The following CNTNAP5 variants were observed in gnomAD, a reference collection of about 807,000 sequenced individuals.
The protein encoded by CNTNAP5 is contactin associated protein family member 5, also known as contactin-associated protein-like 5.
Under a neutral mutation model 150.2 loss-of-function variants are expected in CNTNAP5, and 72 were observed. The observed-to-expected ratio is 0.48, with a 90% confidence interval of 0.40 to 0.58. The LOEUF is 0.58. CNTNAP5 is among the 20% of genes least tolerant of loss of function. The probability of loss-of-function intolerance (pLI) is 0.00; values close to 1 mark genes in which losing one functional copy is unlikely to be tolerated. For missense variants in CNTNAP5, 1,636 were observed against 1,626.2 expected, an observed-to-expected ratio of 1.01 and a Z score of -0.10; for synonymous variants, 672 against 619.8, an observed-to-expected ratio of 1.08 and a Z score of -1.25.
At chr2:124,051,005 A>G (rs1467177435) in intron 1 of CNTNAP5, among the ~76,000 whole-genome samples, 2 of 152,180 alleles carry the variant, frequency 1.3e-5, no homozygotes, top group East Asian at 3.9e-4. Context: ...TTAAATGTCC[A>G]CAGTTAAAAC....
intron 23 of CNTNAP5, among the ~76,000 whole-genome samples, chr2:124,911,758 C>T (rs1247796629): frequency 2.0e-5 from 3 of 152,074 alleles, no homozygotes; most frequent in Non-Finnish European, 4.4e-5. Context: ...GCCTCTGATT[C>T]ATGAGGCAGC....
At chr2:124,078,448 C>G (rs1276089256) in intron 1 of CNTNAP5, among the ~76,000 whole-genome samples, 1 of 152,180 alleles carries the variant, frequency 6.6e-6, no homozygotes, top group East Asian at 1.9e-4. Context: ...TTGCTGGTAC[C>G]TATGGACTGA....
intron 1 of CNTNAP5, among the ~76,000 whole-genome samples, chr2:124,048,832 A>C (rs1285660259): frequency 6.6e-6 from 1 of 152,218 alleles, no homozygotes; most frequent in African/African-American, 2.4e-5. Context: ...TGTCCTCATA[A>C]GTATACAGCA....
At chr2:124,730,349 A>G (rs1039800000) in intron 13 of CNTNAP5, among the ~76,000 whole-genome samples, 2 of 149,468 alleles carry the variant, frequency 1.3e-5, no homozygotes, top group Admixed American at 1.3e-4. Context: ...GTGTACAGAT[A>G]TATATATATA....
At chr2:124,124,160 T>C (rs527318662) in intron 1 of CNTNAP5, among the ~76,000 whole-genome samples, 1 of 152,154 alleles carries the variant, frequency 6.6e-6, no homozygotes, top group East Asian at 1.9e-4. Context: ...GCTAAAATAC[T>C]TGAAAAAAGA....
In CNTNAP5 at chr2:124,563,302, A is replaced by G. The variant is rs751634752; in HGVS notation, c.1735A>G (p.Thr579Ala). The stretch of plus-strand genomic sequence containing the variant: ...TTGTAACTGCAGTGACACAAGTTAC[A>G]CTGGTGCCACCTGCCACAACTGTGA... ...FYCNCSDTSYTGATCHNSIYE... is the reference protein window; with the variant it reads ...FYCNCSDTSYAGATCHNSIYE... The change falls in exon 11 of 24, where the codon ACT becomes GCT. Residue 579 changes from threonine to alanine, a missense_variant. Transcript: ENST00000682447. The G allele has an allele frequency of 6.4e-7, 1 of 1,563,414 alleles. No individual in the cohort carries two copies. Among genetic ancestry groups the G allele is most frequent in the Non-Finnish European group, 8.7e-7 (1 of 1,152,832 alleles).
At chr2:124,335,611 G>T (rs758783087) in intron 3 of CNTNAP5, among the ~76,000 whole-genome samples, 1 of 150,132 alleles carries the variant, frequency 6.7e-6, no homozygotes. Flanking sequence ...GAGTTGTAAA[G>T]ACCAGTCCAT....
intron 13 of CNTNAP5, among the ~76,000 whole-genome samples, chr2:124,710,511 A>G (rs1679784689): frequency 6.6e-6 from 1 of 152,166 alleles, no homozygotes; most frequent in Admixed American, 6.6e-5. Flanking sequence ...AAGAGAACCT[A>G]TCATCCATTG....
At chr2:124,032,781 G>T (rs567734130) in intron 1 of CNTNAP5, among the ~76,000 whole-genome samples, 1 of 152,264 alleles carries the variant, frequency 6.6e-6, no homozygotes, top group African/African-American at 2.4e-5. Flanking sequence ...CTGAAATGAA[G>T]TTCTTCTCTG....
chr2:124,874,607 A>G (rs1677816538), intron 21 of CNTNAP5, among the ~76,000 whole-genome samples: 1 of 151,958 alleles, frequency 6.6e-6, no homozygotes, highest in East Asian at 1.9e-4. Context: ...AAAAACTACT[A>G]TTGTTTGGTG....
chr2:124,357,853 G>A (rs557285224), intron 3 of CNTNAP5, among the ~76,000 whole-genome samples: 32,931 of 148,804 alleles, frequency 0.22, 3,836 homozygotes, highest in Middle Eastern at 0.28. Context: ...GAAAGTCATT[G>A]GTAGCTTGAT....
chr2:124,184,481 A>T (rs916832338), intron 1 of CNTNAP5, among the ~76,000 whole-genome samples: 1 of 152,220 alleles, frequency 6.6e-6, no homozygotes, highest in African/African-American at 2.4e-5. Context: ...TTTACACAAA[A>T]AAGTTATTCA....
chr2:124,161,964 A>G (rs1684690994), intron 1 of CNTNAP5, among the ~76,000 whole-genome samples: 1 of 152,226 alleles, frequency 6.6e-6, no homozygotes, highest in Admixed American at 6.5e-5. Flanking sequence ...TTGAGAAAAC[A>G]AAGCAAACAC....
chr2:124,155,166 A>G (rs983713253), intron 1 of CNTNAP5, among the ~76,000 whole-genome samples: 1 of 147,210 alleles, frequency 6.8e-6, no homozygotes, highest in Non-Finnish European at 1.5e-5. Context: ...ACCTTCCATC[A>G]GTCATTCAAG....
intron 13 of CNTNAP5, among the ~76,000 whole-genome samples, chr2:124,652,862 C>T (rs374585084): frequency 3.3e-5 from 5 of 152,286 alleles, no homozygotes; most frequent in African/African-American, 1.2e-4. Flanking sequence ...AAACCCTCTT[C>T]AGTAAAGCTG....
chr2:124,711,969 A>T (rs78506172), intron 13 of CNTNAP5, among the ~76,000 whole-genome samples: 31,070 of 152,098 alleles, frequency 0.2, 3,278 homozygotes, highest in East Asian at 0.24. Context: ...CGTGCAGAAG[A>T]TCCAGCATCT....
intron 13 of CNTNAP5, among the ~76,000 whole-genome samples, chr2:124,742,160 AGTTT>A (rs1348259499): frequency 6.6e-5 from 10 of 152,184 alleles, no homozygotes; most frequent in African/African-American, 2.4e-4. Flanking sequence ...ACTGGCAAGG[AGTTT>A]TATAGGCAGA....
intron 2 of CNTNAP5, among the ~76,000 whole-genome samples, chr2:124,233,785 TTATATATA>T (rs375601691): frequency 6.1e-5 from 9 of 147,228 alleles, no homozygotes; most frequent in African/African-American, 1.7e-4. Context: ...GCCTGTGAGT[TTATATATA>T]TATATATATA....
chr2:124,070,524 C>A (rs1466931199), intron 1 of CNTNAP5, among the ~76,000 whole-genome samples: 6 of 150,242 alleles, frequency 4.0e-5, no homozygotes, highest in Non-Finnish European at 5.9e-5. Flanking sequence ...TAATGGAAAC[C>A]AATAAAAAGA....
Sources: gnomAD v4.1 joint callset for allele counts (sites outside exome capture counted in the v4.1 genomes callset) on GRCh38, gnomAD v4.1.1 for gene constraint, MANE v1.5 for transcripts, NCBI Gene and HGNC (gene_info 2026-07-23, HGNC 2026-07-21) for gene names.